GNB5: variants seen among roughly 807,000 people sequenced by gnomAD.
GNB5 encodes the protein G protein subunit beta 5, also known as guanine nucleotide-binding protein subunit beta-5.
In GNB5, 37 loss-of-function variants were observed where a neutral mutation model predicts 55.3. The ratio of observed to expected loss-of-function variants is 0.67; its 90% CI spans 0.51 to 0.88. The LOEUF is 0.88. Among genes scored for constraint, GNB5 ranks in the 40% least tolerant of loss-of-function variants. The probability of loss-of-function intolerance (pLI) is 0.00; values close to 1 mark genes in which losing one functional copy is unlikely to be tolerated. For missense variants in GNB5, 476 were observed against 515.3 expected (o/e 0.92, Z 0.74); for synonymous variants, 219 against 198.5 (o/e 1.10, Z -0.87).
At chr15:52,177,949 C>CA (rs971092211) in intron 3 of GNB5, among the ~76,000 whole-genome samples, 32 of 151,978 alleles carry the variant, frequency 2.1e-4, no homozygotes, top group African/African-American at 7.0e-4. Context: ...CTTGGCAGGA[C>CA]AAAAAAAAGT....
At chr15:52,153,899 T>A in intron 4 of GNB5, 41 bp downstream of exon 4, 1 of 1,580,384 alleles carries the variant, frequency 6.3e-7, no homozygotes, top group Non-Finnish European at 8.7e-7. Flanking sequence ...AGCTATAAAA[T>A]CCAAAACCCG....
intron 7 of GNB5, chr15:52,138,976 G>A (rs1384605264): frequency 1.3e-5 from 2 of 152,114 alleles, no homozygotes; most frequent in African/African-American, 4.8e-5. Flanking sequence ...TCACTCATTT[G>A]TTCTGGAATG....
chr15:52,136,172 A>ACACACACACACACACACAC lies in GNB5; in HGVS notation c.628-417_628-416insGTGTGTGTGTGTGTGTGTG, dbSNP rs1168734914. 1.3e-4 allele frequency among the ~76,000 whole-genome samples: 13 copies of ACACACACACACACACACAC among 100,108 alleles called. 1 individual carries two copies. Among genetic ancestry groups the ACACACACACACACACACAC allele is most frequent in the African/African-American group, 4.0e-4 (9 of 22,778 alleles). 65.7% of individuals were successfully genotyped at this position (100,108 alleles called of 152,430 possible). On this transcript the variant is annotated intron_variant, in intron 7 of 12. Coordinates refer to ENST00000261837, the MANE Select transcript of GNB5 (RefSeq NM_016194.4). ...CACACACACACACACACACACACAC[A>ACACACACACACACACACAC]CCCTACCTGCTGTATCTGGGTTCAT...
rs182910865 is a variant in GNB5, at chr15:52,159,306, C to T, written c.239-5230G>A. ...CTGTGGCTGCAGCGTTGGAGGACAG[C>T]GTCGATGGAGACAACACTGGAGGAG... On this transcript the variant is annotated intron_variant, in intron 3 of 12. Transcript: ENST00000261837. 1.6e-4 allele frequency among the ~76,000 whole-genome samples: 25 copies of T among 152,158 alleles called. 1 individual carries two copies. The East Asian group carries it at 4.6e-3, about 28-fold the overall frequency.
At chr15:52,124,223 C>A (rs1346891983) in intron 12 of GNB5, among the ~76,000 whole-genome samples, 1 of 152,146 alleles carries the variant, frequency 6.6e-6, no homozygotes, top group Non-Finnish European at 1.5e-5. Flanking sequence ...TCAAGCCTAA[C>A]TATTCCCTCA....
intron 1 of GNB5, among the ~76,000 whole-genome samples, 188 bp downstream of exon 1, chr15:52,191,134 C>CTA (rs371689593): frequency 1.9e-4 from 29 of 152,224 alleles, no homozygotes; most frequent in African/African-American, 6.7e-4. Flanking sequence ...TTGAAATTTA[C>CTA]TATTTCAAAA....
In GNB5 at chr15:52,133,543, A is replaced by G. The variant is rs2291415; in HGVS notation, c.772-74T>C. The G allele has an allele frequency of 2.8e-3, 2,555 of 924,282 alleles. 80 individuals are homozygous for G. The East Asian group carries it at 0.057, about 21-fold the overall frequency. 57.3% of individuals were successfully genotyped at this position (924,282 alleles called of 1,614,324 possible). A position where few individuals can be genotyped will look rare whatever the true frequency, so the allele number is the denominator to read the frequency against. ...TAGACAAGGCACGAGTCCCAGTTAT[A>G]TAACACAGACCATTTATTTCCCATT... On this transcript the variant is annotated intron_variant, in intron 8 of 12. Coordinates refer to ENST00000261837, the MANE Select transcript of GNB5 (RefSeq NM_016194.4).
Position 52,156,681 on chromosome 15 carries a change from G to A in GNB5, c.239-2605C>T, listed in dbSNP as rs548167957. ...GGGGGCAAAGGTCGCAGTGGGCAGA[G>A]GTCGCAGTGAGCTGAGATTGCGCCA... On this transcript the variant is annotated intron_variant, in intron 3 of 12. Coordinates refer to ENST00000261837, the MANE Select transcript of GNB5 (RefSeq NM_016194.4). Among the ~76,000 whole-genome samples the A allele has an allele frequency of 7.2e-5, 11 of 152,294 alleles. No individual in the cohort carries two copies. In the South Asian group the frequency reaches 2.3e-3, roughly 32 times the overall value.
At chr15:52,141,739 C>G (rs1448903147) in intron 6 of GNB5, among the ~76,000 whole-genome samples, 1 of 152,206 alleles carries the variant, frequency 6.6e-6, no homozygotes, top group Non-Finnish European at 1.5e-5. Context: ...CATTTTCCTT[C>G]TAAACACTTC....
rs34147035 is a variant in GNB5 at position 52,175,741 on chromosome 15, AAAAC to A, written c.238+4023_238+4026del. ...GCGACAGAGTGAGACTCCGTCTCAA[AAAAC>A]AAACAAACAAACAAACAAAAAACGG... On this transcript the variant is annotated intron_variant, in intron 3 of 12. Transcript: ENST00000261837. 1.2e-4 allele frequency among the ~76,000 whole-genome samples: 18 copies of A among 149,316 alleles called. No homozygotes were observed. The East Asian group carries it at 1.2e-3, about 10-fold the overall frequency.
intron 6 of GNB5, among the ~76,000 whole-genome samples, chr15:52,145,206 A>AAT (rs957486640): frequency 2.0e-5 from 3 of 151,762 alleles, no homozygotes; most frequent in South Asian, 2.1e-4. Context: ...ATGTAGTACA[A>AAT]ATATATATAT....
At position 52,122,664 on chromosome 15, in the gene GNB5, G is replaced by T; in HGVS notation, c.*93C>A. The T allele has an allele frequency of 9.8e-7, 1 of 1,020,520 alleles. No individual in the cohort carries two copies. Among genetic ancestry groups the T allele is most frequent in the South Asian group, 1.3e-5 (1 of 78,800 alleles). The allele number at this position is 1,020,520 out of a possible 1,614,324, so 63.2% of individuals were successfully genotyped here. A position where few individuals can be genotyped will look rare whatever the true frequency, so the allele number is the denominator to read the frequency against. ...ATGGGTTGCTCCCCTAAGCTACACT[G>T]CAATAAACTCTAAGCTCCTCTAGAA... On this transcript the variant is annotated 3_prime_UTR_variant, in exon 13 of 13. Coordinates refer to ENST00000261837, the MANE Select transcript of GNB5 (RefSeq NM_016194.4).
chr15:52,166,346 C>G (rs1182931295), intron 3 of GNB5, among the ~76,000 whole-genome samples: 1 of 152,150 alleles, frequency 6.6e-6, no homozygotes, highest in Non-Finnish European at 1.5e-5. Flanking sequence ...GTGGACCTGA[C>G]AGATATCTAC....
intron 3 of GNB5, among the ~76,000 whole-genome samples, chr15:52,170,050 G>A (rs1356511655): frequency 6.6e-6 from 1 of 152,142 alleles, no homozygotes; most frequent in Non-Finnish European, 1.5e-5. Flanking sequence ...TTATTAAAAA[G>A]TCAAGAAGTA....
At chr15:52,176,072 C>T (rs2141236327) in intron 3 of GNB5, among the ~76,000 whole-genome samples, 1 of 141,830 alleles carries the variant, frequency 7.1e-6, no homozygotes. Flanking sequence ...ACAAAACAAA[C>T]AAACAAACAA....
chr15:52,163,977 C>T (rs1304935850), intron 3 of GNB5, among the ~76,000 whole-genome samples: 1 of 152,036 alleles, frequency 6.6e-6, no homozygotes, highest in African/African-American at 2.4e-5. Context: ...CCCAGCAAAC[C>T]GCAGCAGCCC....
chr15:52,179,905 G>GGAAGCGGAGAGC, intron 2 of GNB5, 26 bp from the exon 3 acceptor site: 3 of 1,501,832 alleles, frequency 2.0e-6, no homozygotes, highest in Non-Finnish European at 2.7e-6. Context: ...CAGCGGAGAG[G>GGAAGCGGAGAGC]GAAGCGGAGA....
chr15:52,127,035 G>A (rs1371271270), intron 10 of GNB5, among the ~76,000 whole-genome samples: 1 of 152,124 alleles, frequency 6.6e-6, no homozygotes, highest in Non-Finnish European at 1.5e-5. Flanking sequence ...GACCTCAGGT[G>A]ATCCACCCAC....
chr15:52,115,987 G>C lies in GNB5; in HGVS notation c.*6770C>G, dbSNP rs897199920. 1 of 152,226 alleles carries C rather than the reference G, an allele frequency of 6.6e-6. No individual in the cohort carries two copies. The highest frequency in any genetic ancestry group is 1.5e-5 in the Non-Finnish European group (1 of 68,032). 9.4% of individuals were successfully genotyped at this position (152,226 alleles called of 1,614,324 possible). The stretch of plus-strand genomic sequence containing the variant: ...CACAATATTTTCAAGGTTCATCCAT[G>C]TTGCAGCATGTGTCCACGCTTTCTT... On this transcript the variant is annotated 3_prime_UTR_variant, in exon 13 of 13. Coordinates refer to ENST00000261837, the MANE Select transcript of GNB5 (RefSeq NM_016194.4).
Sources: allele counts gnomAD v4.1 joint callset (sites outside exome capture counted in the v4.1 genomes callset), GRCh38; gene constraint gnomAD v4.1.1; transcripts MANE v1.5; gene names NCBI Gene and HGNC (gene_info 2026-07-23, HGNC 2026-07-21).